Variants in ATP6AP1 observed in about 807,000 individuals in gnomAD.
ATP6AP1 encodes the protein V-type proton ATPase subunit S1.
ATP6AP1 carries 1 observed loss-of-function variant against 32.0 expected under a neutral mutation model. The ratio of observed to expected loss-of-function variants is 0.03; its 90% CI spans 0.01 to 0.15. The LOEUF (loss-of-function observed/expected upper bound fraction) is 0.15, where lower values mean the gene tolerates loss of function less well. ATP6AP1 is among the 10% of genes least tolerant of loss of function. ATP6AP1 has a pLI of 1.00. For synonymous variants in ATP6AP1, 187 were observed against 174.9 expected, an observed-to-expected ratio of 1.07 and a Z score of -0.55; for missense variants, 297 against 398.8, an observed-to-expected ratio of 0.74 and a Z score of 2.17.
Position 154,431,898 on chromosome X carries a change from C to T in ATP6AP1, c.357C>T (p.Asn119=). ...ACAAGCAGGACAGCGCCTTTTCTAA[C>T]CTAGAGGTGAGAGTCCTCTCCCAGC... ...FGNKQDSAFS[N]LENALDLAPS... is the part of the protein sequence containing the mutation. Residue 119 remains asparagine (N), a synonymous_variant, in exon 3 of 10, where the codon AAC becomes AAT. Coordinates refer to ENST00000369762, the MANE Select transcript of ATP6AP1 (RefSeq NM_001183.6). The T allele has an allele frequency of 8.3e-7, 1 of 1,211,397 alleles. No homozygotes were observed. The highest frequency in any genetic ancestry group is 1.7e-5 in the African/African-American group (1 of 57,795).
intron 1 of ATP6AP1, 23 bp from the exon 2 acceptor site, chrX:154,429,025 G>A (rs961788692): frequency 5.0e-6 from 6 of 1,206,593 alleles, no homozygotes; most frequent in African/African-American, 1.7e-5. Flanking sequence ...CCGTCTGACA[G>A]CACCTCTTCT....
At chrX:154,429,392 A>G in intron 2 of ATP6AP1, 2 of 433,847 alleles carry the variant, frequency 4.6e-6, no homozygotes, top group Non-Finnish European at 8.1e-6. Context: ...GAAGCGACGG[A>G]CCAGAGGCCA....
intron 2 of ATP6AP1, 111 bp downstream of exon 2, chrX:154,429,285 A>G (rs1557196420): frequency 2.0e-6 from 2 of 981,819 alleles, no homozygotes; most frequent in East Asian, 6.3e-5. Flanking sequence ...CCTTGTCCCA[A>G]CTGTAGGGAG....
At chrX:154,432,085 C>T (rs781978458) in intron 3 of ATP6AP1, among the ~76,000 whole-genome samples, 181 bp downstream of exon 3, 8 of 112,500 alleles carry the variant, frequency 7.1e-5, no homozygotes, top group African/African-American at 1.3e-4. Flanking sequence ...GGAGCAGAGA[C>T]GCTGGCTTTG....
At chrX:154,434,556 A>T in intron 7 of ATP6AP1, 110 bp downstream of exon 7, 1 of 788,646 alleles carries the variant, frequency 1.3e-6, no homozygotes, top group African/African-American at 2.0e-5. Context: ...TGGGGTGGGG[A>T]TGGCCATGGT....
Position 154,428,709 on chromosome X carries a change from C to T in ATP6AP1, c.17C>T (p.Ala6Val), listed in dbSNP as rs1557196212. The T allele has an allele frequency of 8.7e-7, 1 of 1,149,956 alleles. No homozygotes were observed. Among genetic ancestry groups the T allele is most frequent in the Non-Finnish European group, 1.2e-6 (1 of 868,632 alleles). 94.8% of individuals were successfully genotyped at this position (1,149,956 alleles called of 1,213,427 possible). A position where few individuals can be genotyped will look rare whatever the true frequency, so the allele number is the denominator to read the frequency against. The change falls in exon 1 of 10, where the codon GCG (alanine) becomes GTG (valine). Residue 6 changes from alanine (A) to valine (V), a missense_variant. Ala to Val is a moderately conservative substitution (Grantham distance 64, BLOSUM62 0). Around this residue, in one of 2 missense-constraint regions of ATP6AP1, gnomAD observed 142 missense variants for 145.0 expected, o/e 0.98. Coordinates refer to ENST00000369762, the MANE Select transcript of ATP6AP1 (RefSeq NM_001183.6). The stretch of plus-strand genomic sequence containing the variant: ...GCTGAGGCTATGATGGCGGCCATGG[C>T]GACGGCTCGAGTGCGGATGGGGCCG... MMAAM[A>V]TARVRMGPRC...
In ATP6AP1 at chrX:154,435,842, G is replaced by A. The variant is rs1243834914; in HGVS notation, c.1364G>A (p.Arg455His). The A allele has an allele frequency of 8.3e-7, 1 of 1,211,730 alleles. No homozygotes were observed. The highest frequency in any genetic ancestry group is 2.2e-5 in the Admixed American group (1 of 46,061). The change falls in exon 10 of 10, where the codon CGC (arginine) becomes CAC (histidine). Residue 455 changes from arginine (R) to histidine (H), a missense_variant. Around this residue, in one of 2 missense-constraint regions of ATP6AP1, gnomAD observed 155 missense variants for 253.8 expected, o/e 0.61. Coordinates refer to ENST00000369762, the MANE Select transcript of ATP6AP1 (RefSeq NM_001183.6). Reference protein sequence around the residue: ...HMILSLKTMDRFDDHKGPTIS... With the variant: ...HMILSLKTMDHFDDHKGPTIS... ...ATCCTCAGCCTCAAGACCATGGATC[G>A]CTTTGATGACCACAAGGGCCCCACT...
rs782768863 is a variant in ATP6AP1, at chrX:154,435,904, G to GA, written c.*13_*14insA. The GA allele has an allele frequency of 1.1e-5, 13 of 1,183,054 alleles. No individual in the cohort carries two copies. The African/African-American group carries it at 3.0e-4, about 27-fold the overall frequency. On this transcript the variant is annotated 3_prime_UTR_variant, in exon 10 of 10. Coordinates refer to ENST00000369762, the MANE Select transcript of ATP6AP1 (RefSeq NM_001183.6). ...CCAGATTGTGTGACCCTGTGCCAGT[G>GA]GGGGGGTTGAGGGTGGGACGGTGTC...
At chrX:154,433,388 A>G (rs1557197141) in intron 5 of ATP6AP1, among the ~76,000 whole-genome samples, 1 of 111,973 alleles carries the variant, frequency 8.9e-6, no homozygotes, top group African/African-American at 3.3e-5. Flanking sequence ...CTGTATTGAT[A>G]TGTATTTTCT....
At chrX:154,433,054 C>T in intron 5 of ATP6AP1, 83 bp downstream of exon 5, 1 of 1,083,394 alleles carries the variant, frequency 9.2e-7, no homozygotes. Context: ...AGTTCCTCGG[C>T]CTCCTCACTC....
At chrX:154,431,769 CCT>C (rs1441479741) in intron 2 of ATP6AP1, 59 bp from the exon 3 acceptor site, 1 of 1,129,721 alleles carries the variant, frequency 8.9e-7, no homozygotes, top group Admixed American at 2.2e-5. Context: ...GTGGCTGTCC[CCT>C]GCCTTGGCCC....
At position 154,435,781 on chromosome X, in the gene ATP6AP1, T is replaced by C. The variant is rs1557197586; in HGVS notation, c.1303T>C (p.Phe435Leu). Residue 435 changes from phenylalanine (F) to leucine (L), a missense_variant, in exon 10 of 10, where the codon TTC (phenylalanine) becomes CTC (leucine). Phe to Leu is a conservative substitution (Grantham distance 22). Transcript: ENST00000369762. ...GIWMGLLTSLFMLFIFTYGLH... is the reference protein window; with the variant it reads ...GIWMGLLTSLLMLFIFTYGLH... ...CTGGATGGGGCTGCTCACCTCCCTG[T>C]TCATGCTCTTCATCTTCACCTATGG... 8.3e-7 allele frequency: 1 copy of C among 1,211,720 alleles called. No individual in the cohort carries two copies. Among genetic ancestry groups the C allele is most frequent in the South Asian group, 1.8e-5 (1 of 57,017 alleles).
chrX:154,429,753 A>T (rs1251662022), intron 2 of ATP6AP1: 1 of 112,262 alleles, frequency 8.9e-6, no homozygotes, highest in Middle Eastern at 4.2e-3. Flanking sequence ...CTCCCTCCCA[A>T]TTGGAGCTCA....
At chrX:154,428,901 C>G (rs1442516048) in intron 1 of ATP6AP1, 48 bp downstream of exon 1, 3 of 1,087,860 alleles carry the variant, frequency 2.8e-6, no homozygotes, top group Non-Finnish European at 3.6e-6. Flanking sequence ...GGCGCCCTCG[C>G]CCGACTCCGG....
At chrX:154,435,536 G>C (rs373029897) in intron 9 of ATP6AP1, 31 bp downstream of exon 9, 6 of 1,200,381 alleles carry the variant, frequency 5.0e-6, no homozygotes, top group Non-Finnish European at 5.6e-6. Flanking sequence ...AGCTTCAGGT[G>C]GGGGAGCCCA....
At chrX:154,431,012 C>T (rs1363125868) in intron 2 of ATP6AP1, 2 of 111,123 alleles carry the variant, frequency 1.8e-5, no homozygotes, top group Non-Finnish European at 3.8e-5. Context: ...CCTTGGGTAA[C>T]GTGGAGCAGG....
chrX:154,431,075 C>T (rs1431031836), intron 2 of ATP6AP1: 5 of 111,159 alleles, frequency 4.5e-5, no homozygotes, highest in African/African-American at 1.6e-4. Context: ...CCAGCAGTTC[C>T]TGGGCTTTCC....
At chrX:154,433,523 A>G in intron 5 of ATP6AP1, 112 bp from the exon 6 acceptor site, 1 of 800,120 alleles carries the variant, frequency 1.2e-6, no homozygotes, top group African/African-American at 2.0e-5. Flanking sequence ...AGTGGAAAGT[A>G]AACACACCAC....
At chrX:154,432,137 TG>T in intron 3 of ATP6AP1, 128 bp from the exon 4 acceptor site, 1 of 722,704 alleles carries the variant, frequency 1.4e-6, no homozygotes, top group Non-Finnish European at 2.0e-6. Flanking sequence ...GGCTGGGGTG[TG>T]GGCCATTTTC....
Sources: allele counts gnomAD v4.1 joint callset (sites outside exome capture counted in the v4.1 genomes callset), GRCh38; gene constraint gnomAD v4.1.1; regional missense constraint gnomAD v4.1.1; transcripts MANE v1.5; gene names NCBI Gene and HGNC (gene_info 2026-07-23, HGNC 2026-07-21).